The following COL11A1 variants were observed in gnomAD, a reference collection of about 807,000 sequenced individuals.
The protein encoded by COL11A1 is collagen type XI alpha 1 chain.
Under a neutral mutation model 265.2 loss-of-function variants are expected in COL11A1, and 74 were observed. That is an observed-to-expected ratio of 0.28 (90% CI 0.23 to 0.34). The LOEUF (loss-of-function observed/expected upper bound fraction) is 0.34. Ranked by LOEUF, COL11A1 falls within the 10% of genes least tolerant of loss-of-function variation. COL11A1 has a pLI of 1.00. For missense variants in COL11A1, 2,165 were observed against 2,263.6 expected (o/e 0.96, Z 0.88); for synonymous variants, 816 against 727.6 (o/e 1.12, Z -1.96).
intron 4 of COL11A1, among the ~76,000 whole-genome samples, chr1:103,036,603 TAC>T (rs935951939): frequency 1.7e-4 from 26 of 151,798 alleles, no homozygotes; most frequent in Admixed American, 1.4e-3. Flanking sequence ...ATAAAAAACT[TAC>T]AGTCCTATTT....
In COL11A1 at chr1:102,934,471, G is replaced by C. The variant is rs752478007; in HGVS notation, c.3578C>G (p.Pro1193Arg). 1.9e-6 allele frequency: 3 copies of C among 1,613,564 alleles called. No homozygotes were observed. The highest frequency in any genetic ancestry group is 2.7e-5 in the African/African-American group (2 of 75,042). The change falls in exon 46 of 67, where the codon CCT becomes CGT. Residue 1193 changes from proline to arginine, a missense_variant. Transcript: ENST00000370096. ...TACCTGAAGACCTATTGGACCAGGA[G>C]GTCCAGGGAAGCCTCTGGCACCCTC... ...GDEGARGFPG[P>R]PGPIGLQGLP... is the part of the protein sequence containing the mutation.
intron 24 of COL11A1, among the ~76,000 whole-genome samples, chr1:102,998,738 A>G (rs977822338): frequency 6.6e-6 from 1 of 151,952 alleles, no homozygotes; most frequent in Non-Finnish European, 1.5e-5. Context: ...ATTTCCCTCA[A>G]TAATATTAGT....
At chr1:103,023,604 G>A (rs1338309086) in intron 7 of COL11A1, among the ~76,000 whole-genome samples, 4 of 152,016 alleles carry the variant, frequency 2.6e-5, no homozygotes, top group East Asian at 1.9e-4. Flanking sequence ...TGATCCACCC[G>A]CCTTGGTCTC....
intron 16 of COL11A1, 70 bp downstream of exon 16, chr1:103,006,192 A>G (rs1287575853): frequency 1.5e-6 from 2 of 1,304,610 alleles, no homozygotes; most frequent in Non-Finnish European, 2.1e-6. Flanking sequence ...TAAATAAATA[A>G]ATAAATAAAT....
At chr1:102,985,630 T>C (rs2101724025) in intron 30 of COL11A1, among the ~76,000 whole-genome samples, 1 of 152,286 alleles carries the variant, frequency 6.6e-6, no homozygotes, top group South Asian at 2.1e-4. Context: ...GCAGAAAGTT[T>C]GTATTTTCAA....
intron 4 of COL11A1, among the ~76,000 whole-genome samples, chr1:103,038,178 G>A (rs192587736): frequency 6.6e-6 from 1 of 152,254 alleles, no homozygotes; most frequent in African/African-American, 2.4e-5. Flanking sequence ...ATTCAGAGAC[G>A]TAGGTCAGGT....
rs185662730 is a variant in COL11A1 at position 103,010,504 on chromosome 1, G to T, written c.1629+1909C>A. Among the ~76,000 whole-genome samples, 566 of 152,022 alleles carry T rather than the reference G, an allele frequency of 3.7e-3. 4 individuals are homozygous for T. Among genetic ancestry groups the T allele is most frequent in the African/African-American group, 0.013 (535 of 41,476 alleles). ...TTATGGGTGTCAATATTTTCTCTTT[G>T]CCAACAGTCTCTGGAAAATTGGCTG... On this transcript the variant is annotated intron_variant, in intron 14 of 66. Transcript: ENST00000370096.
intron 4 of COL11A1, among the ~76,000 whole-genome samples, chr1:103,067,887 G>A (rs1050315681): frequency 2.0e-5 from 3 of 151,466 alleles, no homozygotes; most frequent in African/African-American, 7.3e-5. Context: ...AACTTAACAT[G>A]ATCAACACAA....
At chr1:102,999,382 T>A (rs531407180) in intron 24 of COL11A1, among the ~76,000 whole-genome samples, 39 of 152,076 alleles carry the variant, frequency 2.6e-4, no homozygotes, top group African/African-American at 7.7e-4. Context: ...TAGGTTCCTA[T>A]CCACGTCTTC....
intron 4 of COL11A1, among the ~76,000 whole-genome samples, chr1:103,038,973 T>C (rs891797150): frequency 6.6e-6 from 1 of 152,180 alleles, no homozygotes; most frequent in Non-Finnish European, 1.5e-5. Flanking sequence ...AGAGCAATTC[T>C]GCAGTTTCTC....
At chr1:102,974,707 C>T in intron 36 of COL11A1, 123 bp downstream of exon 36, 1 of 736,064 alleles carries the variant, frequency 1.4e-6, no homozygotes, top group South Asian at 1.7e-5. Context: ...TCTTTGACAT[C>T]AATTGTAATT....
chr1:102,929,468 A>G (rs1657096206), intron 46 of COL11A1, among the ~76,000 whole-genome samples: 1 of 152,020 alleles, frequency 6.6e-6, no homozygotes, highest in Non-Finnish European at 1.5e-5. Context: ...TTTTGGTACC[A>G]GTACCATGCT....
In COL11A1 at chr1:102,934,507, T is replaced by G. The variant is rs370534700; in HGVS notation, c.3542A>C (p.Gln1181Pro). 1.4e-5 allele frequency: 22 copies of G among 1,614,078 alleles called. No individual in the cohort carries two copies. The African/African-American group carries it at 2.8e-4, about 21-fold the overall frequency. The stretch of plus-strand genomic sequence containing the variant: ...GCCTCTGGCACCCTCATCACCTTTT[T>G]GCCCAAACATCCCCTGCTGTCCTCT... ...GPRGQQGMFGQKGDEGARGFP... is the reference protein window; with the variant it reads ...GPRGQQGMFGPKGDEGARGFP... Residue 1181 changes from glutamine to proline, a missense_variant, in exon 46 of 67, where the codon CAA (glutamine) becomes CCA (proline). Physicochemically the swap from Gln to Pro is moderately conservative, Grantham distance 76. Coordinates refer to ENST00000370096, the MANE Select transcript of COL11A1 (RefSeq NM_001854.4).
rs189259525 is a variant in COL11A1 at position 102,912,571 on chromosome 1, C to T, written c.4033-359G>A. Among the ~76,000 whole-genome samples, 137 of 152,258 alleles carry T rather than the reference C, an allele frequency of 9.0e-4. 2 individuals are homozygous for T. Among genetic ancestry groups the T allele is most frequent in the African/African-American group, 3.1e-3 (130 of 41,562 alleles). ...CTCATATCACATAAATATGTGAAAA[C>T]ATAATACTATTACTTTTAAATTTAT... On this transcript the variant is annotated intron_variant, in intron 53 of 66. Transcript: ENST00000370096.
chr1:103,019,594 T>A (rs924681386), intron 9 of COL11A1, among the ~76,000 whole-genome samples: 1 of 152,108 alleles, frequency 6.6e-6, no homozygotes, highest in Non-Finnish European at 1.5e-5. Flanking sequence ...TATTCCTTTT[T>A]TTTATTATTA....
intron 1 of COL11A1, among the ~76,000 whole-genome samples, chr1:103,087,684 C>T (rs1169956861): frequency 1.3e-5 from 2 of 152,182 alleles, no homozygotes; most frequent in Non-Finnish European, 2.9e-5. Flanking sequence ...CACTTAGCTC[C>T]ACCTCACCTG....
intron 54 of COL11A1, among the ~76,000 whole-genome samples, chr1:102,904,406 G>T (rs1156825300): frequency 2.0e-5 from 3 of 152,114 alleles, no homozygotes; most frequent in African/African-American, 7.2e-5. Context: ...ATTCTGCACA[G>T]CAAAAGAAAC....
At chr1:102,905,776 A>G (rs1458459229) in intron 54 of COL11A1, among the ~76,000 whole-genome samples, 2 of 152,134 alleles carry the variant, frequency 1.3e-5, no homozygotes, top group Non-Finnish European at 2.9e-5. Context: ...TAGTATTACA[A>G]ATATAAATTT....
chr1:103,017,967 C>A (rs1447784899), intron 10 of COL11A1, 85 bp from the exon 11 acceptor site: 2 of 1,077,444 alleles, frequency 1.9e-6, no homozygotes, highest in Non-Finnish European at 2.9e-6. Context: ...TCGAAGAGTT[C>A]GTTTATATTT....
Sources: gnomAD v4.1 joint callset for allele counts (sites outside exome capture counted in the v4.1 genomes callset) on GRCh38, gnomAD v4.1.1 for gene constraint, MANE v1.5 for transcripts, NCBI Gene and HGNC (gene_info 2026-07-23, HGNC 2026-07-21) for gene names.